Variants in KCNH5 observed in about 807,000 individuals in gnomAD.
KCNH5 encodes potassium voltage-gated channel subfamily H member 5, also known as voltage-gated delayed rectifier potassium channel KCNH5.
Under a neutral mutation model 96.1 loss-of-function variants are expected in KCNH5, and 46 were observed. The observed-to-expected ratio is 0.48, with a 90% CI of 0.38 to 0.61. The LOEUF (loss-of-function observed/expected upper bound fraction) is 0.61. KCNH5 is among the 20% of genes least tolerant of loss of function. The pLI, the probability that KCNH5 is intolerant of heterozygous loss-of-function variation, is 0.00. For synonymous variants in KCNH5, 439 were observed against 449.8 expected, an observed-to-expected ratio of 0.98 and a Z score of 0.30; for missense variants, 907 against 1,225.8, an observed-to-expected ratio of 0.74 and a Z score of 3.88.
intron 7 of KCNH5, among the ~76,000 whole-genome samples, chr14:62,854,179 A>G (rs1458641257): frequency 6.6e-6 from 1 of 151,796 alleles, no homozygotes; most frequent in Non-Finnish European, 1.5e-5. Context: ...TTATTTATTT[A>G]TTCATTTATT....
intron 7 of KCNH5, among the ~76,000 whole-genome samples, chr14:62,909,447 A>G (rs1889107495): frequency 6.6e-6 from 1 of 152,220 alleles, no homozygotes; most frequent in Non-Finnish European, 1.5e-5. Flanking sequence ...AAAGTCCTAA[A>G]TAAATTATTA....
chr14:62,770,067 A>G (rs1473658748), intron 10 of KCNH5, among the ~76,000 whole-genome samples: 1 of 152,114 alleles, frequency 6.6e-6, no homozygotes, highest in Non-Finnish European at 1.5e-5. Context: ...GGGCTCTACT[A>G]TTTTGTTTAG....
chr14:62,976,013 G>A (rs1250482631), intron 6 of KCNH5, among the ~76,000 whole-genome samples: 3 of 151,438 alleles, frequency 2.0e-5, no homozygotes, highest in Non-Finnish European at 2.9e-5. Flanking sequence ...AGCATTATTA[G>A]GGACAAAGAG....
intron 10 of KCNH5, among the ~76,000 whole-genome samples, chr14:62,710,554 C>T (rs1048230851): frequency 2.0e-5 from 3 of 152,190 alleles, no homozygotes; most frequent in African/African-American, 7.2e-5. Flanking sequence ...AAAGTACTCA[C>T]TTTGATTCTA....
chr14:62,742,661 C>T (rs1023895881), intron 10 of KCNH5, among the ~76,000 whole-genome samples: 1 of 152,196 alleles, frequency 6.6e-6, no homozygotes, highest in Non-Finnish European at 1.5e-5. Context: ...TTTATTTACA[C>T]TTCTAAAGAT....
At chr14:62,982,880 G>C (rs1011333279) in intron 5 of KCNH5, among the ~76,000 whole-genome samples, 5 of 152,104 alleles carry the variant, frequency 3.3e-5, no homozygotes, top group Non-Finnish European at 5.9e-5. Flanking sequence ...TTTTTCCCAT[G>C]ATGTCTTAAA....
intron 8 of KCNH5, among the ~76,000 whole-genome samples, chr14:62,842,304 A>G (rs537984161): frequency 1.4e-4 from 21 of 152,318 alleles, no homozygotes; most frequent in African/African-American, 5.1e-4. Flanking sequence ...CTGTTATTTT[A>G]CTTAACTTGT....
intron 7 of KCNH5, among the ~76,000 whole-genome samples, chr14:62,902,225 C>T (rs1374322149): frequency 6.6e-6 from 1 of 151,700 alleles, no homozygotes; most frequent in African/African-American, 2.4e-5. Context: ...CATTAGTTCC[C>T]ATGTGTCAAT....
At chr14:62,777,836 T>C (rs927517697) in intron 10 of KCNH5, among the ~76,000 whole-genome samples, 13 of 144,716 alleles carry the variant, frequency 9.0e-5, no homozygotes, top group Non-Finnish European at 1.5e-5. Flanking sequence ...TCACAACCAA[T>C]GAATGCATGT....
At chr14:62,744,198 T>C (rs1885329698) in intron 10 of KCNH5, among the ~76,000 whole-genome samples, 1 of 152,152 alleles carries the variant, frequency 6.6e-6, no homozygotes, top group East Asian at 1.9e-4. Flanking sequence ...AGAGAAAAAT[T>C]AATAAACTTT....
chr14:62,964,315 C>T (rs182031541), intron 6 of KCNH5, among the ~76,000 whole-genome samples: 31 of 152,188 alleles, frequency 2.0e-4, no homozygotes, highest in African/African-American at 7.2e-4. Flanking sequence ...AATCTCTTTC[C>T]TTTGCAACTA....
intron 4 of KCNH5, among the ~76,000 whole-genome samples, chr14:63,000,588 C>T (rs968600440): frequency 6.6e-6 from 1 of 152,152 alleles, no homozygotes; most frequent in Non-Finnish European, 1.5e-5. Context: ...AGGGACTACA[C>T]AACAGAATAA....
At chr14:62,825,074 G>A (rs990446388) in intron 8 of KCNH5, among the ~76,000 whole-genome samples, 13 of 152,164 alleles carry the variant, frequency 8.5e-5, no homozygotes, top group Non-Finnish European at 1.9e-4. Flanking sequence ...ACATATGGGT[G>A]TACGTGTCTT....
At chr14:62,828,408 T>C (rs1473404094) in intron 8 of KCNH5, among the ~76,000 whole-genome samples, 1 of 152,156 alleles carries the variant, frequency 6.6e-6, no homozygotes, top group Non-Finnish European at 1.5e-5. Flanking sequence ...AAGAACTACC[T>C]GAGACTGGGT....
Position 62,864,925 on chromosome 14 carries a change from A to C in KCNH5, c.1370-15073T>G, listed in dbSNP as rs17176715. The stretch of plus-strand genomic sequence containing the variant: ...GCAGGTCCTGGCATTGGGGCACATG[A>C]GAGGCTGTTGCCACAATCCCAGGAG... On this transcript the variant is annotated intron_variant, in intron 7 of 10. Coordinates refer to ENST00000322893, the MANE Select transcript of KCNH5 (RefSeq NM_139318.5). 9.9e-3 allele frequency among the ~76,000 whole-genome samples: 1,502 copies of C among 152,264 alleles called. 11 individuals carry two copies. Among genetic ancestry groups the C allele is most frequent in the Middle Eastern group, 0.024 (7 of 294 alleles).
rs1415276236 is a variant in KCNH5, at chr14:62,950,710, A to C, written c.943-151T>G. 4 of 556,140 alleles carry C rather than the reference A, an allele frequency of 7.2e-6. No homozygotes were observed. In the East Asian group the frequency reaches 1.3e-4, roughly 19 times the overall value. The allele number at this position is 556,140 out of a possible 1,614,324, so 34.5% of individuals were successfully genotyped here. On this transcript the variant is annotated intron_variant, in intron 6 of 10. Transcript: ENST00000322893. ...TATAGGTCTGATTTTAAGAAAACAA[A>C]AAAGTCAAAATGATAAACTTTAAAA...
chr14:62,795,487 A>C (rs920664934), intron 9 of KCNH5, among the ~76,000 whole-genome samples: 1 of 152,194 alleles, frequency 6.6e-6, no homozygotes, highest in African/African-American at 2.4e-5. Context: ...GTTGGGAATT[A>C]TAAGTAACCT....
chr14:62,794,388 A>AT lies in KCNH5; in HGVS notation c.1822+7940dup, dbSNP rs1326234514. 2.4e-3 allele frequency among the ~76,000 whole-genome samples: 350 copies of AT among 146,106 alleles called. 1 individual carries two copies. The highest frequency in any genetic ancestry group is 4.5e-3 in the African/African-American group (182 of 40,214). On this transcript the variant is annotated intron_variant, in intron 9 of 10. Transcript: ENST00000322893. ...CAAAATTCCTGTTAACCAGAGCATCATTTTTTTTTTTTGTAATTTGATGGG... is the reference window on the plus strand; with the variant it reads ...CAAAATTCCTGTTAACCAGAGCATCATTTTTTTTTTTTTGTAATTTGATGGG...
chr14:62,849,678 A>G lies in KCNH5; in HGVS notation c.1544T>C (p.Met515Thr). ...VMDYIVSTWS[M>T]SKGIDTEKVL... is the part of the protein sequence containing the mutation. The stretch of plus-strand genomic sequence containing the variant: ...CTTTTCTGTATCAATGCCTTTTGAC[A>G]TGGACCATGTTGAGACAATATAATC... The change falls in exon 8 of 11, where the codon ATG becomes ACG. Residue 515 changes from methionine (M) to threonine (T), a missense_variant. By Grantham distance (81) the Met-to-Thr change is moderately conservative (BLOSUM62 -1). Around this residue, in one of 6 missense-constraint regions of KCNH5, gnomAD observed 95 missense variants for 111.8 expected, o/e 0.85. Coordinates refer to ENST00000322893, the MANE Select transcript of KCNH5 (RefSeq NM_139318.5). 10 of 1,613,788 alleles carry G rather than the reference A, an allele frequency of 6.2e-6. No homozygotes were observed. Among genetic ancestry groups the G allele is most frequent in the Non-Finnish European group, 7.6e-6 (9 of 1,179,792 alleles).
Sources: allele counts gnomAD v4.1 joint callset (sites outside exome capture counted in the v4.1 genomes callset), GRCh38; gene constraint gnomAD v4.1.1; regional missense constraint gnomAD v4.1.1; transcripts MANE v1.5; gene names NCBI Gene and HGNC (gene_info 2026-07-23, HGNC 2026-07-21).